The following SKAP1 variants were observed in gnomAD, a reference collection of about 807,000 sequenced individuals.
SKAP1 encodes src kinase associated phosphoprotein 1.
In SKAP1, 44 loss-of-function variants were observed where a neutral mutation model predicts 58.5. The ratio of observed to expected loss-of-function variants is 0.75; its 90% CI spans 0.59 to 0.97. The LOEUF is 0.97. Among genes scored for constraint, SKAP1 ranks in the 50% least tolerant of loss-of-function variants. The pLI is 0.00. For synonymous variants in SKAP1, 127 were observed against 149.7 expected (o/e 0.85, Z 1.11); for missense variants, 390 against 435.2 (o/e 0.90, Z 0.92).
chr17:48,381,698 G>T (rs373313484), intron 2 of SKAP1, among the ~76,000 whole-genome samples: 19 of 152,124 alleles, frequency 1.2e-4, no homozygotes, highest in African/African-American at 4.6e-4. Context: ...GGGAATATTT[G>T]TTGGCTATCC....
At chr17:48,241,891 T>C (rs2065247227) in intron 4 of SKAP1, among the ~76,000 whole-genome samples, 2 of 152,300 alleles carry the variant, frequency 1.3e-5, no homozygotes, top group South Asian at 4.1e-4. Flanking sequence ...TTTCCATTCT[T>C]TGCTGGTAGT....
At chr17:48,400,554 G>C (rs1442038151) in intron 1 of SKAP1, among the ~76,000 whole-genome samples, 2 of 151,804 alleles carry the variant, frequency 1.3e-5, no homozygotes, top group East Asian at 3.9e-4. Context: ...TTGAGCCCAG[G>C]AGTTGGTCAA....
chr17:48,413,514 C>CAAAA lies in SKAP1; in HGVS notation c.46+16557_46+16560dup, dbSNP rs1222640261. Among the ~76,000 whole-genome samples, 115 of 99,930 alleles carry CAAAA rather than the reference C, an allele frequency of 1.2e-3. 10 individuals are homozygous for CAAAA. The highest frequency in any genetic ancestry group is 4.0e-3 in the African/African-American group (81 of 20,164). The allele number at this position is 99,930 out of a possible 152,430, so 65.6% of individuals were successfully genotyped here. Reference sequence around the variant, plus strand: ...AGGCAATAAGAGCAAAACTCCGTCTCAAAAAAAAAATATATATATATATAT... The same window carrying CAAAA: ...AGGCAATAAGAGCAAAACTCCGTCTCAAAAAAAAAAAAAATATATATATATATAT... On this transcript the variant is annotated intron_variant, in intron 1 of 12. Transcript: ENST00000336915.
intron 4 of SKAP1, among the ~76,000 whole-genome samples, chr17:48,240,803 C>G (rs377270997): frequency 1.3e-5 from 2 of 152,200 alleles, no homozygotes; most frequent in African/African-American, 4.8e-5. Context: ...TGTTCCCACT[C>G]GTTCACAATC....
intron 11 of SKAP1, among the ~76,000 whole-genome samples, chr17:48,139,142 G>A (rs2063738610): frequency 6.6e-6 from 1 of 151,964 alleles, no homozygotes; most frequent in Non-Finnish European, 1.5e-5. Flanking sequence ...GCCTCTCAGA[G>A]TGCTGGGATT....
intron 4 of SKAP1, chr17:48,193,789 G>C (rs2064584300): frequency 1.1e-6 from 1 of 928,246 alleles, no homozygotes; most frequent in East Asian, 1.2e-4. Flanking sequence ...TAAACGAACA[G>C]ATCTGCAGAG....
At chr17:48,248,279 G>A (rs2065319356) in intron 4 of SKAP1, among the ~76,000 whole-genome samples, 1 of 152,100 alleles carries the variant, frequency 6.6e-6, no homozygotes, top group African/African-American at 2.4e-5. Context: ...AAAAACTATA[G>A]GGGAGGATGG....
intron 11 of SKAP1, among the ~76,000 whole-genome samples, chr17:48,146,935 T>C (rs1185175999): frequency 3.9e-5 from 6 of 152,152 alleles, no homozygotes; most frequent in African/African-American, 1.4e-4. Flanking sequence ...GGCCAAGGCA[T>C]CATCTGTTTA....
At chr17:48,301,246 T>C (rs1352038364) in intron 4 of SKAP1, among the ~76,000 whole-genome samples, 1 of 152,152 alleles carries the variant, frequency 6.6e-6, no homozygotes, top group African/African-American at 2.4e-5. Flanking sequence ...TTGTTTTTAG[T>C]AGACTACTGA....
chr17:48,400,161 C>T (rs527899241), intron 1 of SKAP1, among the ~76,000 whole-genome samples: 5 of 149,728 alleles, frequency 3.3e-5, no homozygotes, highest in South Asian at 2.1e-4. Flanking sequence ...TGTAGTGGCG[C>T]GATCTCAGCT....
At chr17:48,444,230 C>T in the SKAP1 span, among the ~76,000 whole-genome samples, 2 of 148,470 alleles carry the variant, frequency 1.3e-5, no homozygotes, top group Non-Finnish European at 3.0e-5. Flanking sequence ...CCCATCTCTA[C>T]TAAAAATACA....
At chr17:48,371,654 CAAAAAAAAAAAAAAAAAAAAAAAA>C (rs71141985) in intron 2 of SKAP1, among the ~76,000 whole-genome samples, 1 of 37,892 alleles carries the variant, frequency 2.6e-5, no homozygotes, top group African/African-American at 1.3e-4. Context: ...CTTGTCTCCA[CAAAAAAAAAAAAAAAAAAAAAAAA>C]AAAAAAAAGC....
At chr17:48,325,290 A>T in intron 4 of SKAP1, among the ~76,000 whole-genome samples, 1 of 150,260 alleles carries the variant, frequency 6.7e-6, no homozygotes, top group Non-Finnish European at 1.5e-5. Flanking sequence ...ATAATTAAAT[A>T]TCTTTTCTTC....
intron 4 of SKAP1, among the ~76,000 whole-genome samples, chr17:48,222,269 T>A (rs947260292): frequency 6.6e-6 from 1 of 152,162 alleles, no homozygotes; most frequent in African/African-American, 2.4e-5. Context: ...AAATCAATAA[T>A]AGTTTTAGCT....
At chr17:48,357,711 T>A (rs575057526) in intron 3 of SKAP1, among the ~76,000 whole-genome samples, 1 of 152,314 alleles carries the variant, frequency 6.6e-6, no homozygotes, top group East Asian at 1.9e-4. Context: ...TATTCTGCCC[T>A]TTTAAAAATG....
At chr17:48,173,838 A>C (rs1469917113) in intron 9 of SKAP1, among the ~76,000 whole-genome samples, 3 of 152,210 alleles carry the variant, frequency 2.0e-5, no homozygotes, top group East Asian at 3.8e-4. Context: ...AAGCTTCACC[A>C]AAGATCTTTT....
At chr17:48,294,674 A>G (rs1278084464) in intron 4 of SKAP1, among the ~76,000 whole-genome samples, 2 of 152,234 alleles carry the variant, frequency 1.3e-5, no homozygotes, top group African/African-American at 4.8e-5. Flanking sequence ...TGTTATACAC[A>G]TAAATAGATG....
rs142989120 is a variant in SKAP1 at position 48,169,407 on chromosome 17, C to A, written c.877+1202G>T. On this transcript the variant is annotated intron_variant, in intron 10 of 12. Coordinates refer to ENST00000336915, the MANE Select transcript of SKAP1 (RefSeq NM_003726.4). ...AGAAAAGATATATGTGGAACATGGG[C>A]GGGTCAGAACAGATTTTCATTTGGA... Among the ~76,000 whole-genome samples the A allele has an allele frequency of 4.3e-4, 65 of 152,172 alleles. No homozygotes were observed. The East Asian group carries it at 9.6e-3, about 23-fold the overall frequency.
chr17:48,170,712 CT>C (rs377407749), intron 9 of SKAP1, 53 bp from the exon 10 acceptor site: 148,286 of 1,011,220 alleles, frequency 0.15, 8 homozygotes, highest in East Asian at 0.18. Flanking sequence ...GTCTCATGTT[CT>C]TTTTTTTTTT....
Sources: allele counts gnomAD v4.1 joint callset (sites outside exome capture counted in the v4.1 genomes callset), GRCh38; gene constraint gnomAD v4.1.1; transcripts MANE v1.5; gene names NCBI Gene and HGNC (gene_info 2026-07-23, HGNC 2026-07-21).